The following CAMTA1 variants were observed in gnomAD, a reference collection of about 807,000 sequenced individuals.
CAMTA1 encodes calmodulin binding transcription activator 1, also known as calmodulin-binding transcription activator 1.
A neutral mutation model predicts 170.9 loss-of-function variants in CAMTA1; 27 were observed. The observed-to-expected ratio is 0.16, with a 90% confidence interval of 0.12 to 0.22. CAMTA1 has a LOEUF of 0.22. CAMTA1 is among the 10% of genes least tolerant of loss of function. CAMTA1 has a pLI of 1.00. For synonymous variants in CAMTA1, 833 were observed against 891.5 expected, an observed-to-expected ratio of 0.93 and a Z score of 1.17; for missense variants, 1,619 against 2,217.2, an observed-to-expected ratio of 0.73 and a Z score of 5.42.
chr1:7,213,605 T>G (rs28783735), intron 4 of CAMTA1, among the ~76,000 whole-genome samples: 13 of 87,916 alleles, frequency 1.5e-4, no homozygotes, highest in African/African-American at 9.5e-4. Flanking sequence ...TTCTTTTTTT[T>G]AAATTTCTTT....
rs1663534688 is a variant in CAMTA1, at chr1:7,234,906, C to A, written c.303-14585C>A. ...GGTTCAAGCGATTCTTGCACCTCAG[C>A]CTCATGAGTAGCTGGGATTAAAAGC... On this transcript the variant is annotated intron_variant, in intron 4 of 22. Coordinates refer to ENST00000303635, the MANE Select transcript of CAMTA1 (RefSeq NM_015215.4). The surrounding 1 kb of genome is among the most constrained non-coding windows in gnomAD (Gnocchi z 5.0). 6.6e-6 allele frequency among the ~76,000 whole-genome samples: 1 copy of A among 151,720 alleles called. No individual in the cohort carries two copies. Among genetic ancestry groups the A allele is most frequent in the South Asian group, 2.1e-4 (1 of 4,796 alleles).
At chr1:7,512,231 A>G (rs2094210696) in intron 6 of CAMTA1, among the ~76,000 whole-genome samples, 1 of 152,274 alleles carries the variant, frequency 6.6e-6, no homozygotes, top group South Asian at 2.1e-4. Context: ...AGAACCTTGC[A>G]TCAGGGGCAA....
intron 3 of CAMTA1, among the ~76,000 whole-genome samples, chr1:7,046,914 G>T (rs1705474281): frequency 1.3e-5 from 2 of 152,216 alleles, no homozygotes; most frequent in South Asian, 4.1e-4. Flanking sequence ...GTAGACATGG[G>T]AGATAGCCTT....
intron 6 of CAMTA1, among the ~76,000 whole-genome samples, chr1:7,478,663 C>T (rs1174156609): frequency 6.6e-6 from 1 of 152,150 alleles, no homozygotes; most frequent in Non-Finnish European, 1.5e-5. Context: ...GCTAAACAAT[C>T]GCTTTTCATA....
At chr1:7,272,692 C>CAAAAAAAAAAAACA (rs1669989601) in intron 5 of CAMTA1, among the ~76,000 whole-genome samples, 1 of 38,802 alleles carries the variant, frequency 2.6e-5, no homozygotes, top group Non-Finnish European at 4.6e-5. Flanking sequence ...TAAACACATG[C>CAAAAAAAAAAAACA]AAAAAAAAAA....
chr1:7,104,283 CAA>C (rs1553246813), intron 4 of CAMTA1, among the ~76,000 whole-genome samples: 6 of 151,866 alleles, frequency 4.0e-5, no homozygotes, highest in Non-Finnish European at 5.9e-5. Flanking sequence ...GCACACAAAA[CAA>C]ATATTCAACA....
intron 3 of CAMTA1, among the ~76,000 whole-genome samples, chr1:6,859,410 C>A (rs1663789646): frequency 6.6e-6 from 1 of 152,164 alleles, no homozygotes; most frequent in Admixed American, 6.5e-5. Flanking sequence ...TTTGCTCTTA[C>A]AATAAGTGAT....
chr1:7,744,744 T>G, intron 16 of CAMTA1, 91 bp from the exon 17 acceptor site: 1 of 1,107,556 alleles, frequency 9.0e-7, no homozygotes, highest in Non-Finnish European at 1.3e-6. Flanking sequence ...CCTGATTATT[T>G]TTTTCTCTCC....
Position 7,221,928 on chromosome 1 carries a change from T to TACAC in CAMTA1, c.303-27545_303-27542dup, listed in dbSNP as rs61354001. Among the ~76,000 whole-genome samples, 835 of 124,260 alleles carry TACAC rather than the reference T, an allele frequency of 6.7e-3. 5 individuals carry two copies. Among genetic ancestry groups the TACAC allele is most frequent in the Non-Finnish European group, 0.01 (602 of 58,306 alleles). The allele number at this position is 124,260 out of a possible 152,430, so 81.5% of individuals were successfully genotyped here. A position where few individuals can be genotyped will look rare whatever the true frequency, so the allele number is the denominator to read the frequency against. On this transcript the variant is annotated intron_variant, in intron 4 of 22. Transcript: ENST00000303635. ...GCATACACACACACACACACACACA[T>TACAC]ACACACACACACACACACACAGGCT...
rs201626161 is a variant in CAMTA1, at chr1:7,601,617, C to T, written c.511-38783C>T. The stretch of plus-strand genomic sequence containing the variant: ...CTGGGAGGTGGAGGTTGTAGCGAGC[C>T]GAGATCACGCCACTGCACTCCAGCC... On this transcript the variant is annotated intron_variant, in intron 6 of 22. Transcript: ENST00000303635. Among the ~76,000 whole-genome samples the T allele has an allele frequency of 4.5e-3, 679 of 152,306 alleles. 20 individuals carry two copies. In the East Asian group the frequency reaches 0.078, roughly 17 times the overall value.
chr1:7,738,024 G>A lies in CAMTA1; in HGVS notation c.3724G>A (p.Ala1242Thr). Residue 1242 changes from alanine (A) to threonine (T), a missense_variant, in exon 16 of 23, where the codon GCT becomes ACT. Transcript: ENST00000303635. This position sits in a 1 kb window ranked among gnomAD's most constrained non-coding sequence, Gnocchi z 4.9. The part of the protein sequence containing the change: ...YSSESHKDYP[A>T]PKKHKLNPEY... ...CAGTGAGAGCCACAAAGATTATCCG[G>A]CTCCCAAAAAGCATAAATTGAACCC... The A allele has an allele frequency of 6.2e-7, 1 of 1,614,056 alleles. No homozygotes were observed. Among genetic ancestry groups the A allele is most frequent in the Non-Finnish European group, 8.5e-7 (1 of 1,179,998 alleles).
chr1:6,854,859 C>T (rs1388731251), intron 3 of CAMTA1, among the ~76,000 whole-genome samples: 1 of 152,172 alleles, frequency 6.6e-6, no homozygotes, highest in Non-Finnish European at 1.5e-5. Context: ...AAGTTAACTT[C>T]CTTAATTTGA....
At chr1:6,978,287 T>A (rs946328025) in intron 3 of CAMTA1, among the ~76,000 whole-genome samples, 4 of 152,200 alleles carry the variant, frequency 2.6e-5, no homozygotes, top group Non-Finnish European at 5.9e-5. Context: ...TTCTCCGTGA[T>A]GTGATTATTA....
chr1:6,886,901 G>A (rs1295783556), intron 3 of CAMTA1, among the ~76,000 whole-genome samples: 1 of 152,206 alleles, frequency 6.6e-6, no homozygotes, highest in Non-Finnish European at 1.5e-5. Context: ...TTGTTAGGAT[G>A]TTACATTAAT....
rs1278665380 is a variant in CAMTA1, at chr1:7,224,664, G to T, written c.303-24827G>T. 6.6e-6 allele frequency among the ~76,000 whole-genome samples: 1 copy of T among 152,048 alleles called. No individual in the cohort carries two copies. Among genetic ancestry groups the T allele is most frequent in the Admixed American group, 6.5e-5 (1 of 15,278 alleles). ...GGAGGCGTGACACCCGCGCCTCTCC[G>T]CTGGTGTCATTGATTGCTAAGGGCA... On this transcript the variant is annotated intron_variant, in intron 4 of 22. Coordinates refer to ENST00000303635, the MANE Select transcript of CAMTA1 (RefSeq NM_015215.4). This position sits in a 1 kb window ranked among gnomAD's most constrained non-coding sequence, Gnocchi z 5.2.
chr1:6,872,033 T>C, intron 3 of CAMTA1: 1 of 1,064,066 alleles, frequency 9.4e-7, no homozygotes, highest in Non-Finnish European at 1.2e-6. Context: ...GTAATCTGTG[T>C]TTTCATCCTT....
At chr1:6,995,295 C>CTTTTCTTTTTTTTTTTTTTTTTTTT (rs1697047615) in intron 3 of CAMTA1, among the ~76,000 whole-genome samples, 12 of 60,618 alleles carry the variant, frequency 2.0e-4, no homozygotes, top group Non-Finnish European at 2.3e-4. Flanking sequence ...TTTTTCTTTT[C>CTTTTCTTTTTTTTTTTTTTTTTTTT]TTTTTTTTTT....
At chr1:7,601,237 G>A (rs1291798759) in intron 6 of CAMTA1, among the ~76,000 whole-genome samples, 5 of 151,478 alleles carry the variant, frequency 3.3e-5, no homozygotes, top group Admixed American at 6.6e-5. Context: ...GGTGGCTGCC[G>A]GGCGGAGGGG....
chr1:7,279,058 T>C (rs1415360398), intron 5 of CAMTA1, among the ~76,000 whole-genome samples: 1 of 151,966 alleles, frequency 6.6e-6, no homozygotes, highest in Non-Finnish European at 1.5e-5. Context: ...CCTGAGGAAG[T>C]GTGTGCTGGA....
Sources: gnomAD v4.1 joint callset for allele counts (sites outside exome capture counted in the v4.1 genomes callset) on GRCh38, gnomAD v4.1.1 for gene constraint, Gnocchi (gnomAD v3.1) non-coding constraint, MANE v1.5 for transcripts, NCBI Gene and HGNC (gene_info 2026-07-23, HGNC 2026-07-21) for gene names.